Variants in ADAMTSL3 observed in about 807,000 individuals in gnomAD.
The protein encoded by ADAMTSL3 is ADAMTS like 3.
ADAMTSL3 carries 128 observed loss-of-function variants against 201.7 expected under a neutral mutation model. The ratio of observed to expected loss-of-function variants is 0.63; its 90% CI spans 0.55 to 0.73. The LOEUF is 0.73. Ranked by LOEUF, ADAMTSL3 falls within the 30% of genes least tolerant of loss-of-function variation. The pLI, the probability that ADAMTSL3 is intolerant of heterozygous loss-of-function variation, is 0.00. For synonymous variants in ADAMTSL3, 738 were observed against 748.4 expected (o/e 0.99, Z 0.23); for missense variants, 1,990 against 2,119.6 (o/e 0.94, Z 1.20).
chr15:83,909,805 G>A (rs2065900751), intron 15 of ADAMTSL3, among the ~76,000 whole-genome samples: 1 of 151,890 alleles, frequency 6.6e-6, no homozygotes, highest in African/African-American at 2.4e-5. Flanking sequence ...TAGTAGAGAC[G>A]GAATCTCAGC....
chr15:83,923,812 G>A, intron 16 of ADAMTSL3, 92 bp from the exon 17 acceptor site: 1 of 1,470,754 alleles, frequency 6.8e-7, no homozygotes. Flanking sequence ...AGGGCAGTAT[G>A]CTAAGAATGA....
intron 5 of ADAMTSL3, among the ~76,000 whole-genome samples, chr15:83,806,819 C>T (rs1407423458): frequency 1.3e-5 from 2 of 152,160 alleles, no homozygotes; most frequent in Non-Finnish European, 2.9e-5. Context: ...CACCACTGCA[C>T]TCCAGCCTGG....
At chr15:83,703,008 A>G (rs560488054) in intron 2 of ADAMTSL3, among the ~76,000 whole-genome samples, 41 of 152,254 alleles carry the variant, frequency 2.7e-4, no homozygotes, top group Admixed American at 1.6e-3. Flanking sequence ...GAGTTGCCCA[A>G]GACCATGAGA....
intron 2 of ADAMTSL3, among the ~76,000 whole-genome samples, chr15:83,672,188 A>T (rs902365769): frequency 1.3e-5 from 2 of 152,238 alleles, no homozygotes; most frequent in Non-Finnish European, 2.9e-5. Flanking sequence ...GGGTTGGTAT[A>T]GCTCATTTAG....
intron 19 of ADAMTSL3, among the ~76,000 whole-genome samples, chr15:83,963,800 C>CCAGA (rs1400527485): frequency 2.6e-5 from 4 of 152,172 alleles, no homozygotes; most frequent in Non-Finnish European, 4.4e-5. Flanking sequence ...GATGAAGCTT[C>CCAGA]CAGAGGAAGG....
chr15:83,759,264 C>T (rs1416440454), intron 3 of ADAMTSL3, among the ~76,000 whole-genome samples: 5 of 149,044 alleles, frequency 3.4e-5, no homozygotes, highest in Non-Finnish European at 4.4e-5. Flanking sequence ...CTCGCTCTGT[C>T]GCCCAGGCTG....
intron 16 of ADAMTSL3, among the ~76,000 whole-genome samples, chr15:83,920,281 C>A (rs992764149): frequency 6.6e-6 from 1 of 152,148 alleles, no homozygotes; most frequent in Non-Finnish European, 1.5e-5. Flanking sequence ...CCCTTCAAAT[C>A]ATGACAGGCC....
intron 8 of ADAMTSL3, among the ~76,000 whole-genome samples, chr15:83,864,390 C>T (rs1327832920): frequency 6.6e-6 from 1 of 152,190 alleles, no homozygotes; most frequent in Non-Finnish European, 1.5e-5. Flanking sequence ...CCAAATCCAG[C>T]AGCACATCAA....
chr15:83,721,687 A>G (rs924797781), intron 3 of ADAMTSL3, among the ~76,000 whole-genome samples: 1 of 152,144 alleles, frequency 6.6e-6, no homozygotes, highest in Non-Finnish European at 1.5e-5. Context: ...TAGATTTACA[A>G]CAAGAAACCT....
At chr15:83,835,233 C>A (rs1214819876) in intron 6 of ADAMTSL3, among the ~76,000 whole-genome samples, 1,168 of 112,048 alleles carry the variant, frequency 0.01, no homozygotes, top group Admixed American at 0.012. Flanking sequence ...GACTCTGTCT[C>A]AAAAAAAAAA....
At chr15:83,978,606 G>A (rs17158472) in intron 20 of ADAMTSL3, among the ~76,000 whole-genome samples, 7,269 of 152,226 alleles carry the variant, frequency 0.048, 581 homozygotes, top group African/African-American at 0.17. Flanking sequence ...ATGATGCCAC[G>A]TTCCAGGCAT....
chr15:83,749,755 T>C (rs2062608681), intron 3 of ADAMTSL3, among the ~76,000 whole-genome samples: 1 of 152,168 alleles, frequency 6.6e-6, no homozygotes, highest in African/African-American at 2.4e-5. Context: ...AAGATGGCCA[T>C]AGACTAGTAA....
rs150472925 is a variant in ADAMTSL3 at position 84,035,823 on chromosome 15, T to G, written c.4755-950T>G. Among the ~76,000 whole-genome samples the G allele has an allele frequency of 6.3e-3, 957 of 152,342 alleles. 5 individuals carry two copies. Among genetic ancestry groups the G allele is most frequent in the Non-Finnish European group, 0.01 (712 of 68,026 alleles). On this transcript the variant is annotated intron_variant, in intron 28 of 29. Transcript: ENST00000286744. ...CAACTAAGAAATGGGAAGTCATTGT[T>G]TTTTTTCTCTTCTCTCATCTCTGCA...
rs758545457 is a variant in ADAMTSL3, at chr15:83,885,180, A to G, written c.1040A>G (p.Asp347Gly). Residue 347 changes from aspartate (D) to glycine (G), a missense_variant, in exon 10 of 30, where the codon GAC becomes GGC. By Grantham distance (94) the Asp-to-Gly change is moderately conservative. Transcript: ENST00000286744. ...QPISHQWRQT[D>G]FFPCTVTCGG... ...ATCAGTCATCAGTGGAGACAAACTGACTTCTTTCCCTGCACTGTGACGTGT... is the reference window on the plus strand; with the variant it reads ...ATCAGTCATCAGTGGAGACAAACTGGCTTCTTTCCCTGCACTGTGACGTGT... The G allele has an allele frequency of 6.2e-7, 1 of 1,613,976 alleles. No individual in the cohort carries two copies. The highest frequency in any genetic ancestry group is 1.1e-5 in the South Asian group (1 of 91,050).
At chr15:83,661,214 G>A (rs1223920841) in intron 2 of ADAMTSL3, among the ~76,000 whole-genome samples, 18 of 152,260 alleles carry the variant, frequency 1.2e-4, no homozygotes, top group East Asian at 1.2e-3. Flanking sequence ...GTCACATAGC[G>A]TGATGCCTCC....
intron 2 of ADAMTSL3, among the ~76,000 whole-genome samples, chr15:83,658,338 A>G (rs1029321169): frequency 6.6e-6 from 1 of 152,148 alleles, no homozygotes; most frequent in East Asian, 1.9e-4. Context: ...CGAACTCCTG[A>G]CCTCAAGTGA....
chr15:83,717,802 GTCA>G (rs1178704642), intron 3 of ADAMTSL3, among the ~76,000 whole-genome samples: 4 of 152,152 alleles, frequency 2.6e-5, no homozygotes. Flanking sequence ...TTCACTGAAG[GTCA>G]GTATATCCAA....
At chr15:83,971,775 A>G (rs2067201042) in intron 20 of ADAMTSL3, among the ~76,000 whole-genome samples, 1 of 150,748 alleles carries the variant, frequency 6.6e-6, no homozygotes, top group Non-Finnish European at 1.5e-5. Context: ...TCACCTGTGA[A>G]ATAACATTTA....
At chr15:83,833,736 T>C (rs1226857015) in intron 6 of ADAMTSL3, among the ~76,000 whole-genome samples, 1 of 152,192 alleles carries the variant, frequency 6.6e-6, no homozygotes, top group African/African-American at 2.4e-5. Flanking sequence ...GATGGCTTAG[T>C]ACGGGGATTA....
Sources: gnomAD v4.1 joint callset for allele counts (sites outside exome capture counted in the v4.1 genomes callset) on GRCh38, gnomAD v4.1.1 for gene constraint, MANE v1.5 for transcripts, NCBI Gene and HGNC (gene_info 2026-07-23, HGNC 2026-07-21) for gene names.